SND1: variants seen among roughly 807,000 people sequenced by gnomAD.
The protein encoded by SND1 is staphylococcal nuclease domain-containing protein 1.
A neutral mutation model predicts 121.7 loss-of-function variants in SND1; 38 were observed. That is an observed-to-expected ratio of 0.31 (90% CI 0.24 to 0.41). SND1 has a LOEUF of 0.41. SND1 is among the 10% of genes least tolerant of loss of function. SND1 has a pLI of 1.00. For missense variants in SND1, 868 were observed against 1,184.6 expected, an observed-to-expected ratio of 0.73 and a Z score of 3.92; for synonymous variants, 401 against 447.4, an observed-to-expected ratio of 0.90 and a Z score of 1.31.
chr7:128,038,090 G>C (rs186788387), intron 16 of SND1, among the ~76,000 whole-genome samples: 27 of 152,312 alleles, frequency 1.8e-4, no homozygotes, highest in African/African-American at 6.0e-4. Context: ...TGGCTTTTCA[G>C]GTATCTGAAA....
chr7:128,022,496 T>A (rs1165853787), intron 16 of SND1, among the ~76,000 whole-genome samples: 1 of 152,234 alleles, frequency 6.6e-6, no homozygotes, highest in Non-Finnish European at 1.5e-5. Context: ...AAATGCTAAC[T>A]TCCTTTGACA....
chr7:127,896,961 C>G (rs1180787370), intron 13 of SND1, among the ~76,000 whole-genome samples: 1 of 152,122 alleles, frequency 6.6e-6, no homozygotes, highest in Non-Finnish European at 1.5e-5. Context: ...CCTTAGAAGT[C>G]TCTCAGGAGG....
intron 22 of SND1, among the ~76,000 whole-genome samples, chr7:128,090,600 G>A (rs1467251893): frequency 2.0e-5 from 3 of 152,188 alleles, no homozygotes; most frequent in Admixed American, 2.0e-4. Flanking sequence ...CAGAGACAGG[G>A]GCAAGAAAGG....
chr7:127,680,552 C>T (rs1418153482), intron 1 of SND1, among the ~76,000 whole-genome samples: 4 of 152,030 alleles, frequency 2.6e-5, no homozygotes, highest in Admixed American at 2.0e-4. Context: ...GATATTTCTC[C>T]TATTTACTTT....
intron 12 of SND1, among the ~76,000 whole-genome samples, chr7:127,859,258 C>T (rs1461067370): frequency 6.6e-6 from 1 of 152,110 alleles, no homozygotes; most frequent in Admixed American, 6.5e-5. Context: ...AGAGAGCCAC[C>T]CTTCCCCACC....
intron 15 of SND1, among the ~76,000 whole-genome samples, chr7:127,935,587 A>G (rs1309367600): frequency 6.6e-6 from 1 of 152,222 alleles, no homozygotes; most frequent in African/African-American, 2.4e-5. Context: ...GATGAGATGC[A>G]TGGAGAACGT....
At chr7:127,747,407 T>C (rs533036867) in intron 10 of SND1, among the ~76,000 whole-genome samples, 2 of 152,322 alleles carry the variant, frequency 1.3e-5, no homozygotes, top group South Asian at 4.1e-4. Context: ...CTGCTTTATA[T>C]TGTTTTTATT....
intron 10 of SND1, among the ~76,000 whole-genome samples, chr7:127,746,989 G>A (rs921633425): frequency 6.6e-6 from 1 of 152,132 alleles, no homozygotes; most frequent in African/African-American, 2.4e-5. Context: ...TGGTTTTCTC[G>A]TTGTTGTTAT....
intron 11 of SND1, 92 bp from the exon 12 acceptor site, chr7:127,844,232 G>A: frequency 1.1e-6 from 1 of 887,214 alleles, no homozygotes; most frequent in South Asian, 2.0e-5. Context: ...ACTGGAGTGA[G>A]CTGATCTTTC....
At chr7:128,012,483 G>T (rs1803137842) in intron 16 of SND1, among the ~76,000 whole-genome samples, 1 of 152,338 alleles carries the variant, frequency 6.6e-6, no homozygotes, top group South Asian at 2.1e-4. Context: ...GTGCTCAGCA[G>T]TTTGCCAAGC....
chr7:127,675,402 G>A (rs1327067800), intron 1 of SND1, among the ~76,000 whole-genome samples: 1 of 152,110 alleles, frequency 6.6e-6, no homozygotes, highest in Non-Finnish European at 1.5e-5. Context: ...TATACGTTTA[G>A]ATGCATGCTC....
rs556905443 is a variant in SND1, at chr7:127,940,093, T to A, written c.1669+10764T>A. ...GGGCCCTTCTCCTTCCCTCCTACTTTAAAGCGCGTTCTGTCTGAGTCTATG... is the reference window on the plus strand; with the variant it reads ...GGGCCCTTCTCCTTCCCTCCTACTTAAAAGCGCGTTCTGTCTGAGTCTATG... On this transcript the variant is annotated intron_variant, in intron 15 of 23. Coordinates refer to ENST00000354725, the MANE Select transcript of SND1 (RefSeq NM_014390.4). 1.5e-3 allele frequency among the ~76,000 whole-genome samples: 233 copies of A among 152,254 alleles called. 2 individuals are homozygous for A. The highest frequency in any genetic ancestry group is 3.0e-3 in the Non-Finnish European group (203 of 68,016).
intron 12 of SND1, among the ~76,000 whole-genome samples, chr7:127,865,756 C>T (rs1388501100): frequency 6.6e-6 from 1 of 151,802 alleles, no homozygotes; most frequent in Admixed American, 6.6e-5. Context: ...ACAGGCATGC[C>T]ATCATGCTCA....
At chr7:128,014,015 CT>C (rs1216861013) in intron 16 of SND1, among the ~76,000 whole-genome samples, 1 of 152,232 alleles carries the variant, frequency 6.6e-6, no homozygotes, top group Non-Finnish European at 1.5e-5. Context: ...AGTCTATCCT[CT>C]CTCCTTCCTT....
At chr7:127,960,005 G>A (rs940947637) in intron 15 of SND1, among the ~76,000 whole-genome samples, 3 of 152,170 alleles carry the variant, frequency 2.0e-5, no homozygotes, top group Non-Finnish European at 4.4e-5. Flanking sequence ...CCTCTCGTCT[G>A]CTATCTATTC....
At chr7:127,779,629 G>A (rs1797681712) in intron 10 of SND1, among the ~76,000 whole-genome samples, 1 of 152,114 alleles carries the variant, frequency 6.6e-6, no homozygotes, top group African/African-American at 2.4e-5. Context: ...CAGGTCACTG[G>A]GGACACTTAA....
intron 12 of SND1, chr7:127,858,272 C>T (rs560739266): frequency 2.0e-5 from 16 of 809,574 alleles, no homozygotes; most frequent in South Asian, 1.0e-4. Flanking sequence ...TTCGGAGAGC[C>T]GGTCCGGGCA....
Position 128,091,985 on chromosome 7 carries a change from T to C in SND1, c.2668-8T>C, listed in dbSNP as rs774614176. 6.2e-7 allele frequency: 1 copy of C among 1,614,220 alleles called. No individual in the cohort carries two copies. Among genetic ancestry groups the C allele is most frequent in the African/African-American group, 1.3e-5 (1 of 75,058 alleles). ...CCCTGAAGAGCTATTGTCTGTTTTT[T>C]CTTACAGCTGAACCTGTGGCGCTAT... On this transcript the variant is annotated splice_region_variant and splice_polypyrimidine_tract_variant and intron_variant, in intron 23 of 23. Coordinates refer to ENST00000354725, the MANE Select transcript of SND1 (RefSeq NM_014390.4).
chr7:127,768,937 A>G (rs896509856), intron 10 of SND1, among the ~76,000 whole-genome samples: 2 of 152,224 alleles, frequency 1.3e-5, no homozygotes, highest in African/African-American at 4.8e-5. Context: ...ATAACCATCA[A>G]TATTTAAAGT....
Sources: allele counts gnomAD v4.1 joint callset (sites outside exome capture counted in the v4.1 genomes callset), GRCh38; gene constraint gnomAD v4.1.1; transcripts MANE v1.5; gene names NCBI Gene and HGNC (gene_info 2026-07-23, HGNC 2026-07-21).